The following COL19A1 variants were observed in gnomAD, a reference collection of about 807,000 sequenced individuals.
The protein encoded by COL19A1 is collagen alpha-1(XIX) chain.
Under a neutral mutation model 190.2 loss-of-function variants are expected in COL19A1, and 159 were observed. That is an observed-to-expected ratio of 0.84 (90% CI 0.73 to 0.95). The LOEUF is 0.95. Ranked by LOEUF, COL19A1 falls within the 40% of genes least tolerant of loss-of-function variation. The probability of loss-of-function intolerance (pLI) is 0.00; values close to 1 mark genes in which losing one functional copy is unlikely to be tolerated. For missense variants in COL19A1, 1,418 were observed against 1,431.9 expected, an observed-to-expected ratio of 0.99 and a Z score of 0.16; for synonymous variants, 509 against 458.9, an observed-to-expected ratio of 1.11 and a Z score of -1.39.
At chr6:69,901,732 A>G (rs1770203679) in intron 4 of COL19A1, among the ~76,000 whole-genome samples, 1 of 152,214 alleles carries the variant, frequency 6.6e-6, no homozygotes, top group Non-Finnish European at 1.5e-5. Context: ...AATTTAAGAA[A>G]GGCAATACAT....
At chr6:69,947,144 TTA>T (rs1773869780) in intron 9 of COL19A1, among the ~76,000 whole-genome samples, 1 of 151,876 alleles carries the variant, frequency 6.6e-6, no homozygotes, top group Non-Finnish European at 1.5e-5. Flanking sequence ...ATTCACCATT[TTA>T]TATATAATAT....
At chr6:69,942,398 A>G (rs913261530) in intron 9 of COL19A1, among the ~76,000 whole-genome samples, 1 of 152,140 alleles carries the variant, frequency 6.6e-6, no homozygotes, top group Non-Finnish European at 1.5e-5. Flanking sequence ...TTTCTCTTTT[A>G]GCTATTTGAA....
intron 11 of COL19A1, among the ~76,000 whole-genome samples, chr6:69,977,630 A>T (rs1051664203): frequency 3.3e-5 from 5 of 152,142 alleles, no homozygotes; most frequent in African/African-American, 1.2e-4. Context: ...CAATTTAATT[A>T]AACTTTTTGC....
rs11383774 is a variant in COL19A1 at position 70,023,133 on chromosome 6, A to ATT, written c.1027-477_1027-476dup. Among the ~76,000 whole-genome samples the ATT allele has an allele frequency of 2.0e-3, 218 of 110,094 alleles. 1 individual carries two copies. The highest frequency in any genetic ancestry group is 6.2e-3 in the African/African-American group (195 of 31,334). 72.2% of individuals were successfully genotyped at this position (110,094 alleles called of 152,430 possible). A position where few individuals can be genotyped will look rare whatever the true frequency, so the allele number is the denominator to read the frequency against. On this transcript the variant is annotated intron_variant, in intron 11 of 50. Transcript: ENST00000620364. Reference sequence around the variant, plus strand: ...ATGGTTTAATCATTTTTATGCAGCTATTTTTTTTTTTTTTTTTTGAGATGG... The same window carrying ATT: ...ATGGTTTAATCATTTTTATGCAGCTATTTTTTTTTTTTTTTTTTTTGAGATGG...
At chr6:69,908,554 G>C (rs906859181) in intron 4 of COL19A1, among the ~76,000 whole-genome samples, 1 of 152,020 alleles carries the variant, frequency 6.6e-6, no homozygotes, top group Non-Finnish European at 1.5e-5. Flanking sequence ...ATAGTCAAAA[G>C]CACCTATTTT....
At position 70,184,875 on chromosome 6, in the gene COL19A1, T is replaced by C. The variant is rs1242528864; in HGVS notation, c.2816T>C (p.Ile939Thr). 1.2e-6 allele frequency: 2 copies of C among 1,613,448 alleles called. No homozygotes were observed. The highest frequency in any genetic ancestry group is 2.7e-5 in the African/African-American group (2 of 75,000). ...GKDGIPGAQGIMGKPGDRGPK... is the reference protein window; with the variant it reads ...GKDGIPGAQGTMGKPGDRGPK... ...ATGTTGACATCTGTTTTTCAGGGCA[T>C]CATGGGTAAGCCTGGAGACAGAGGC... Residue 939 changes from isoleucine (I) to threonine (T), a missense_variant, in exon 46 of 51, where the codon ATC (isoleucine) becomes ACC (threonine). Coordinates refer to ENST00000620364, the MANE Select transcript of COL19A1 (RefSeq NM_001858.6).
chr6:70,157,216 G>T (rs1406289555), intron 34 of COL19A1, among the ~76,000 whole-genome samples: 1 of 150,736 alleles, frequency 6.6e-6, no homozygotes, highest in South Asian at 2.1e-4. Context: ...ATTCTTGGGA[G>T]AAAAAAAAAC....
intron 31 of COL19A1, among the ~76,000 whole-genome samples, 192 bp downstream of exon 31, chr6:70,151,630 CTCT>C (rs759560035): frequency 1.1e-4 from 16 of 152,210 alleles, no homozygotes; most frequent in Non-Finnish European, 1.9e-4. Context: ...TTCTTTCACT[CTCT>C]TCTTCTTTAC....
At chr6:70,023,891 G>T (rs894265749) in intron 12 of COL19A1, among the ~76,000 whole-genome samples, 2 of 152,150 alleles carry the variant, frequency 1.3e-5, no homozygotes, top group Non-Finnish European at 2.9e-5. Context: ...CCTGTGCTTA[G>T]CCTTAACAGG....
chr6:69,964,113 T>G (rs1371293853), intron 11 of COL19A1, among the ~76,000 whole-genome samples: 1 of 152,230 alleles, frequency 6.6e-6, no homozygotes, highest in Non-Finnish European at 1.5e-5. Context: ...GCCTGTATTT[T>G]GCTTTCTTGC....
chr6:69,973,567 T>C (rs936677810), intron 11 of COL19A1, among the ~76,000 whole-genome samples: 1 of 152,188 alleles, frequency 6.6e-6, no homozygotes, highest in African/African-American at 2.4e-5. Flanking sequence ...ACATTTGTTA[T>C]GAGGTTTATA....
At chr6:70,152,077 G>A (rs964177752) in intron 31 of COL19A1, among the ~76,000 whole-genome samples, 1 of 151,858 alleles carries the variant, frequency 6.6e-6, no homozygotes, top group Non-Finnish European at 1.5e-5. Flanking sequence ...AGGTAGGGGG[G>A]GATGATAATG....
chr6:70,075,044 C>T (rs1781803178), intron 15 of COL19A1, among the ~76,000 whole-genome samples: 1 of 152,150 alleles, frequency 6.6e-6, no homozygotes, highest in African/African-American at 2.4e-5. Context: ...ACTATTGGTT[C>T]ATGCTTATTA....
chr6:70,122,067 C>T (rs1332395315), intron 17 of COL19A1, 125 bp downstream of exon 17: 3 of 556,424 alleles, frequency 5.4e-6, no homozygotes, highest in Non-Finnish European at 9.3e-6. Context: ...ATTTAAACAT[C>T]TTTCCATACT....
At chr6:69,914,438 A>G (rs921052257) in intron 4 of COL19A1, among the ~76,000 whole-genome samples, 4 of 152,182 alleles carry the variant, frequency 2.6e-5, no homozygotes, top group Admixed American at 2.6e-4. Context: ...AACTTGTATC[A>G]TATTTCTCTT....
intron 34 of COL19A1, among the ~76,000 whole-genome samples, chr6:70,160,892 C>A (rs2150258433): frequency 6.6e-6 from 1 of 152,156 alleles, no homozygotes; most frequent in Non-Finnish European, 1.5e-5. Flanking sequence ...TACATGTTTT[C>A]TAACTTTTTT....
chr6:69,886,079 A>G (rs1183948153), intron 2 of COL19A1, among the ~76,000 whole-genome samples: 1 of 152,238 alleles, frequency 6.6e-6, no homozygotes. Context: ...ATTGCAAACT[A>G]CTTATCTCAT....
chr6:70,174,559 C>CAA (rs71536501), intron 41 of COL19A1, among the ~76,000 whole-genome samples: 2 of 140,386 alleles, frequency 1.4e-5, no homozygotes, highest in African/African-American at 5.3e-5. Context: ...GACTCCGTCT[C>CAA]AAAAAAAAAA....
intron 15 of COL19A1, 150 bp downstream of exon 15, chr6:70,068,626 T>G (rs1430663375): frequency 1.7e-5 from 9 of 541,722 alleles, no homozygotes; most frequent in Non-Finnish European, 3.0e-5. Flanking sequence ...ATTCGAGATT[T>G]TGACAGAGGT....
Sources: allele counts gnomAD v4.1 joint callset (sites outside exome capture counted in the v4.1 genomes callset), GRCh38; gene constraint gnomAD v4.1.1; transcripts MANE v1.5; gene names NCBI Gene and HGNC (gene_info 2026-07-23, HGNC 2026-07-21).